The following BMPR1B variants were observed in gnomAD, a reference collection of about 807,000 sequenced individuals.
The protein encoded by BMPR1B is bone morphogenetic protein receptor type 1B, also known as bone morphogenetic protein receptor type-1B.
In BMPR1B, 12 loss-of-function variants were observed where a neutral mutation model predicts 59.1. The observed-to-expected ratio is 0.20, with a 90% CI of 0.13 to 0.33. The LOEUF is 0.33. BMPR1B is among the 10% of genes least tolerant of loss of function. The pLI, the probability that BMPR1B is intolerant of heterozygous loss-of-function variation, is 1.00. For missense variants in BMPR1B, 550 were observed against 610.9 expected (o/e 0.90, Z 1.05); for synonymous variants, 237 against 207.3 (o/e 1.14, Z -1.23).
rs909913807 is a variant in BMPR1B, at chr4:95,154,846, C to T, written c.*173C>T. ...AGCGACCTGGGCAAAGACAGAGAAG[C>T]TCCCAGAAGGAGAGATTGATCCATG... is the stretch of plus-strand genomic sequence containing the variant. On this transcript the variant is annotated 3_prime_UTR_variant, in exon 13 of 13. Transcript: ENST00000515059. 2.3e-5 allele frequency: 19 copies of T among 837,840 alleles called. No homozygotes were observed. The Admixed American group carries it at 4.0e-4, about 18-fold the overall frequency. 51.9% of individuals were successfully genotyped at this position (837,840 alleles called of 1,614,324 possible).
intron 2 of BMPR1B, among the ~76,000 whole-genome samples, chr4:94,902,002 T>G (rs1267875107): frequency 4.6e-5 from 7 of 151,122 alleles, no homozygotes; most frequent in Admixed American, 4.0e-4. Context: ...ATACTCTGGT[T>G]CATTTCAACA....
At chr4:94,761,301 T>C (rs1721753755) in intron 1 of BMPR1B, among the ~76,000 whole-genome samples, 1 of 152,146 alleles carries the variant, frequency 6.6e-6, no homozygotes, top group South Asian at 2.1e-4. Flanking sequence ...ACTCCTAAAT[T>C]ATTTCTATGT....
chr4:95,144,846 A>G (rs1181356753), intron 10 of BMPR1B, among the ~76,000 whole-genome samples: 1 of 152,088 alleles, frequency 6.6e-6, no homozygotes, highest in Non-Finnish European at 1.5e-5. Context: ...TTAATGGGAT[A>G]TTTTCAGTTC....
At chr4:94,860,234 C>T (rs899280002) in intron 1 of BMPR1B, among the ~76,000 whole-genome samples, 8 of 152,084 alleles carry the variant, frequency 5.3e-5, no homozygotes, top group Non-Finnish European at 8.8e-5. Flanking sequence ...AACCTTTGGT[C>T]CTCCTTTAGG....
chr4:95,127,972 C>A (rs7677205), intron 8 of BMPR1B, among the ~76,000 whole-genome samples: 1 of 151,662 alleles, frequency 6.6e-6, no homozygotes, highest in Non-Finnish European at 1.5e-5. Flanking sequence ...ACAGCCTTGA[C>A]CTCCCAGGCT....
rs112933713 is a variant in BMPR1B at position 95,094,836 on chromosome 4, C to T, written c.-17-9572C>T. 7.3e-3 allele frequency among the ~76,000 whole-genome samples: 1,114 copies of T among 152,038 alleles called. 15 individuals are homozygous for T. Among genetic ancestry groups the T allele is most frequent in the African/African-American group, 0.025 (1,037 of 41,538 alleles). ...CAGAAATTTAGCACCAACATCTTCC[C>T]TTATCTTTTATCTGATTTCTGTCTG... On this transcript the variant is annotated intron_variant, in intron 3 of 12. Transcript: ENST00000515059.
intron 3 of BMPR1B, among the ~76,000 whole-genome samples, chr4:95,074,700 C>G (rs533476725): frequency 6.6e-6 from 1 of 151,872 alleles, no homozygotes; most frequent in Non-Finnish European, 1.5e-5. Context: ...TGAAAAATTG[C>G]TAAAGTAAAC....
Position 95,123,800 on chromosome 4 carries a change from T to G in BMPR1B, c.350-10T>G. On this transcript the variant is annotated splice_polypyrimidine_tract_variant and intron_variant, in intron 6 of 12. Transcript: ENST00000515059. Reference sequence around the variant, plus strand: ...CTCTTGATTATGGCTCTTTTTCTTTTTAATTTCAGATTTTGTTGATGGACC... The same window carrying G: ...CTCTTGATTATGGCTCTTTTTCTTTGTAATTTCAGATTTTGTTGATGGACC... 1 of 1,588,906 alleles carries G rather than the reference T, an allele frequency of 6.3e-7. No individual in the cohort carries two copies. Among genetic ancestry groups the G allele is most frequent in the Non-Finnish European group, 8.6e-7 (1 of 1,160,024 alleles).
At position 95,116,421 on chromosome 4, in the gene BMPR1B, G is replaced by GCGCA; in HGVS notation, c.349+635_349+636insGCAC. ...CTCCTCCTCCATGCTTTCAGCGCGC[G>GCGCA]CACACACACACACACACACACACAC... On this transcript the variant is annotated intron_variant, in intron 6 of 12. Transcript: ENST00000515059. Among the ~76,000 whole-genome samples the GCGCA allele has an allele frequency of 8.2e-3, 1,007 of 123,260 alleles. 8 individuals carry two copies. Among genetic ancestry groups the GCGCA allele is most frequent in the Non-Finnish European group, 0.011 (686 of 62,802 alleles). The allele number at this position is 123,260 out of a possible 152,430, so 80.9% of individuals were successfully genotyped here.
At chr4:95,043,294 G>A (rs181444847) in intron 3 of BMPR1B, among the ~76,000 whole-genome samples, 6 of 146,798 alleles carry the variant, frequency 4.1e-5, no homozygotes, top group East Asian at 2.0e-4. Flanking sequence ...GTAGCATACC[G>A]CTAAAACCAA....
chr4:95,132,553 T>C (rs1334289856), intron 10 of BMPR1B, among the ~76,000 whole-genome samples: 1 of 152,126 alleles, frequency 6.6e-6, no homozygotes, highest in African/African-American at 2.4e-5. Flanking sequence ...ATTTGGGCTA[T>C]AGATTTAAGT....
At chr4:94,999,996 A>G (rs539874611) in intron 3 of BMPR1B, among the ~76,000 whole-genome samples, 1 of 152,210 alleles carries the variant, frequency 6.6e-6, no homozygotes, top group Non-Finnish European at 1.5e-5. Context: ...CAATAAAAAT[A>G]AAATTTATTT....
At position 95,157,977 on chromosome 4, in the gene BMPR1B, A is replaced by T. The variant is rs531959675; in HGVS notation, c.*3304A>T. ...TATAGCAAGTACTTAATAATGACTG[A>T]ATTTCATGTTCCTACAGTCATACAT... On this transcript the variant is annotated 3_prime_UTR_variant, in exon 13 of 13. Coordinates refer to ENST00000515059, the MANE Select transcript of BMPR1B (RefSeq NM_001203.3). The T allele has an allele frequency of 6.6e-6, 1 of 152,308 alleles. No homozygotes were observed. Among genetic ancestry groups the T allele is most frequent in the East Asian group, 1.9e-4 (1 of 5,192 alleles). 9.4% of individuals were successfully genotyped at this position (152,308 alleles called of 1,614,324 possible). A position where few individuals can be genotyped will look rare whatever the true frequency, so the allele number is the denominator to read the frequency against.
chr4:95,132,855 C>G (rs1733468355), intron 10 of BMPR1B, among the ~76,000 whole-genome samples: 1 of 152,156 alleles, frequency 6.6e-6, no homozygotes, highest in Non-Finnish European at 1.5e-5. Context: ...TGGGCTTGGT[C>G]ACCAGAGGCC....
chr4:95,066,818 G>A (rs1727844516), intron 3 of BMPR1B, among the ~76,000 whole-genome samples: 1 of 152,132 alleles, frequency 6.6e-6, no homozygotes, highest in African/African-American at 2.4e-5. Flanking sequence ...CAGTGATTTT[G>A]TTATGCATTA....
intron 3 of BMPR1B, among the ~76,000 whole-genome samples, chr4:95,000,410 G>A (rs1722358163): frequency 6.6e-6 from 1 of 152,116 alleles, no homozygotes; most frequent in South Asian, 2.1e-4. Flanking sequence ...GGGAGGCTGA[G>A]CAGGAGAATT....
chr4:95,045,444 C>T (rs1725975256), intron 3 of BMPR1B, among the ~76,000 whole-genome samples: 1 of 152,154 alleles, frequency 6.6e-6, no homozygotes, highest in Admixed American at 6.5e-5. Flanking sequence ...CTAACCTCCC[C>T]AGTCTACTTT....
intron 2 of BMPR1B, among the ~76,000 whole-genome samples, chr4:94,993,497 C>T (rs979172501): frequency 4.0e-5 from 6 of 151,716 alleles, no homozygotes; most frequent in Non-Finnish European, 5.9e-5. Context: ...CAGTGGCTCA[C>T]GCTTGTAATC....
chr4:94,810,601 A>G (rs1222857985), intron 1 of BMPR1B, among the ~76,000 whole-genome samples: 1 of 152,236 alleles, frequency 6.6e-6, no homozygotes, highest in Non-Finnish European at 1.5e-5. Flanking sequence ...AATTTGATTT[A>G]TATTTTATGT....
Sources: allele counts gnomAD v4.1 joint callset (sites outside exome capture counted in the v4.1 genomes callset), GRCh38; gene constraint gnomAD v4.1.1; transcripts MANE v1.5; gene names NCBI Gene and HGNC (gene_info 2026-07-23, HGNC 2026-07-21).